The following FBXO4 variants were observed in gnomAD, a reference collection of about 807,000 sequenced individuals.
FBXO4 encodes F-box protein 4, also known as F-box only protein 4.
In FBXO4, 36 loss-of-function variants were observed where a neutral mutation model predicts 43.7. That is an observed-to-expected ratio of 0.82 (90% CI 0.63 to 1.09). FBXO4 has a LOEUF of 1.09. Ranked by LOEUF, FBXO4 falls within the 50% of genes least tolerant of loss-of-function variation. FBXO4 has a pLI of 0.00. For missense variants in FBXO4, 435 were observed against 474.1 expected (o/e 0.92, Z 0.77); for synonymous variants, 180 against 165.6 (o/e 1.09, Z -0.67).
the FBXO4 span, among the ~76,000 whole-genome samples, chr5:41,951,108 T>C: frequency 1.3e-5 from 2 of 152,098 alleles, no homozygotes; most frequent in African/African-American, 4.8e-5. Context: ...AAATACGTAA[T>C]GTAGATGACT....
the FBXO4 span, among the ~76,000 whole-genome samples, chr5:42,013,256 G>A: frequency 6.6e-6 from 1 of 152,082 alleles, no homozygotes; most frequent in African/African-American, 2.4e-5. Flanking sequence ...CTCCAGCCTG[G>A]GCAACAGAGT....
At chr5:41,950,372 AAAAC>A in the FBXO4 span, among the ~76,000 whole-genome samples, 17 of 152,314 alleles carry the variant, frequency 1.1e-4, no homozygotes, top group East Asian at 1.9e-4. Flanking sequence ...TTATGAGAAA[AAAAC>A]AAACAACCCC....
At chr5:41,931,754 A>G (rs182623814) in intron 3 of FBXO4, among the ~76,000 whole-genome samples, 9 of 152,308 alleles carry the variant, frequency 5.9e-5, no homozygotes, top group Admixed American at 2.0e-4. Context: ...GAAGTTTTTG[A>G]GGATGGAGAG....
chr5:42,035,579 C>T, the FBXO4 span, among the ~76,000 whole-genome samples: 1 of 152,018 alleles, frequency 6.6e-6, no homozygotes, highest in African/African-American at 2.4e-5. Context: ...CAATGTTTTC[C>T]TTTAAATGAC....
At chr5:42,036,364 C>G in the FBXO4 span, among the ~76,000 whole-genome samples, 1 of 151,988 alleles carries the variant, frequency 6.6e-6, no homozygotes, top group Non-Finnish European at 1.5e-5. Flanking sequence ...ACATAGGTAT[C>G]AGCAAACTAG....
chr5:42,001,484 G>C, the FBXO4 span, among the ~76,000 whole-genome samples: 2 of 152,106 alleles, frequency 1.3e-5, no homozygotes, highest in African/African-American at 4.8e-5. Context: ...CACCCCTTTC[G>C]GCCTCCCAAA....
the FBXO4 span, among the ~76,000 whole-genome samples, chr5:41,959,521 T>C: frequency 6.6e-6 from 1 of 152,182 alleles, no homozygotes; most frequent in Non-Finnish European, 1.5e-5. Flanking sequence ...TTTTTGGTAT[T>C]ATATTTGTCT....
At chr5:41,951,054 G>A in the FBXO4 span, among the ~76,000 whole-genome samples, 8 of 152,264 alleles carry the variant, frequency 5.3e-5, no homozygotes, top group South Asian at 1.7e-3. Context: ...ACACACCGGG[G>A]CCTGTTGGGG....
the FBXO4 span, among the ~76,000 whole-genome samples, chr5:42,022,950 A>G: frequency 0.011 from 1,679 of 152,242 alleles, 35 homozygotes; most frequent in African/African-American, 0.039. Context: ...TTGAACAAAT[A>G]CAGGGTTTAA....
the FBXO4 span, among the ~76,000 whole-genome samples, chr5:42,003,456 C>T: frequency 1.3e-5 from 2 of 152,174 alleles, no homozygotes; most frequent in Non-Finnish European, 1.5e-5. Context: ...AGATGAACAT[C>T]GTACCATCTA....
At chr5:41,959,340 G>A in the FBXO4 span, among the ~76,000 whole-genome samples, 1 of 152,012 alleles carries the variant, frequency 6.6e-6, no homozygotes. Context: ...CATCCCATAT[G>A]TTGTCTCTTT....
chr5:42,030,343 A>G, the FBXO4 span, among the ~76,000 whole-genome samples: 3 of 152,308 alleles, frequency 2.0e-5, no homozygotes, highest in South Asian at 6.2e-4. Flanking sequence ...CCTGACAAAA[A>G]CAAGAAATGG....
chr5:42,012,803 T>C, the FBXO4 span, among the ~76,000 whole-genome samples: 6 of 152,148 alleles, frequency 3.9e-5, no homozygotes, highest in Non-Finnish European at 7.4e-5. Flanking sequence ...TTCAGTTTTT[T>C]CCCAAGAAAA....
At chr5:42,021,775 A>T in the FBXO4 span, among the ~76,000 whole-genome samples, 3 of 152,062 alleles carry the variant, frequency 2.0e-5, no homozygotes, top group Admixed American at 2.0e-4. Context: ...GTATTGTGTA[A>T]TTTTTTAAAG....
At chr5:41,982,429 A>G in the FBXO4 span, among the ~76,000 whole-genome samples, 10 of 152,134 alleles carry the variant, frequency 6.6e-5, no homozygotes, top group Non-Finnish European at 1.5e-4. Context: ...CTGACTTTTT[A>G]ATGATCGCCA....
chr5:41,975,956 G>A, the FBXO4 span, among the ~76,000 whole-genome samples: 1 of 152,086 alleles, frequency 6.6e-6, no homozygotes, highest in African/African-American at 2.4e-5. Flanking sequence ...TACAATCGTG[G>A]TGGAAGGAGA....
the FBXO4 span, among the ~76,000 whole-genome samples, chr5:41,980,459 T>C: frequency 1.3e-5 from 2 of 152,142 alleles, no homozygotes; most frequent in African/African-American, 4.8e-5. Context: ...TATAGCACAC[T>C]ATCACCAATT....
the FBXO4 span, among the ~76,000 whole-genome samples, chr5:41,980,890 A>G: frequency 2.0e-5 from 3 of 152,056 alleles, no homozygotes; most frequent in Non-Finnish European, 4.4e-5. Context: ...TGAACAATCA[A>G]CTGTAACCCT....
the FBXO4 span, among the ~76,000 whole-genome samples, chr5:42,011,530 A>T: frequency 1.3e-5 from 2 of 152,250 alleles, no homozygotes; most frequent in African/African-American, 4.8e-5. Flanking sequence ...CACCAAACAG[A>T]CTAAGACAAT....
Sources: gnomAD v4.1 joint callset for allele counts (sites outside exome capture counted in the v4.1 genomes callset) on GRCh38, gnomAD v4.1.1 for gene constraint, MANE v1.5 for transcripts, NCBI Gene and HGNC (gene_info 2026-07-23, HGNC 2026-07-21) for gene names.